The following EYA4 variants were observed in gnomAD, a reference collection of about 807,000 sequenced individuals.
EYA4 encodes EYA transcriptional coactivator and phosphatase 4.
EYA4 carries 31 observed loss-of-function variants against 87.9 expected under a neutral mutation model. That is an observed-to-expected ratio of 0.35 (90% confidence interval 0.27 to 0.48). EYA4 has a LOEUF of 0.48. Ranked by LOEUF, EYA4 falls within the 20% of genes least tolerant of loss-of-function variation. The pLI is 0.99. For missense variants in EYA4, 678 were observed against 761.4 expected (o/e 0.89, Z 1.29); for synonymous variants, 263 against 270.6 (o/e 0.97, Z 0.28).
At position 133,464,883 on chromosome 6, in the gene EYA4, C is replaced by T. The variant is rs192320781; in HGVS notation, c.804+25C>T. 10 of 1,503,752 alleles carry T rather than the reference C, an allele frequency of 6.7e-6. No homozygotes were observed. The East Asian group carries it at 2.0e-4, about 31-fold the overall frequency. 93.2% of individuals were successfully genotyped at this position (1,503,752 alleles called of 1,614,324 possible). ...GGTATAGTAGCTTTTTGTGTTTATGCTTTTTATATGTATTTCAGATTTTTG... is the reference window on the plus strand; with the variant it reads ...GGTATAGTAGCTTTTTGTGTTTATGTTTTTTATATGTATTTCAGATTTTTG... On this transcript the variant is annotated intron_variant, in intron 10 of 19. Coordinates refer to ENST00000355286, the MANE Select transcript of EYA4 (RefSeq NM_004100.5).
At chr6:133,424,376 G>T (rs746126838) in intron 3 of EYA4, among the ~76,000 whole-genome samples, 1 of 152,156 alleles carries the variant, frequency 6.6e-6, no homozygotes, top group Non-Finnish European at 1.5e-5. Context: ...GCCTTACTGA[G>T]GACCCTCCTC....
chr6:133,250,488 A>G (rs1288386445), intron 1 of EYA4, among the ~76,000 whole-genome samples: 1 of 152,022 alleles, frequency 6.6e-6, no homozygotes, highest in Admixed American at 6.6e-5. Context: ...CTAAAAATAC[A>G]AAAATTAGCT....
In EYA4 at chr6:133,383,517, C is replaced by CAAAA. The variant is rs768724484; in HGVS notation, c.83+1101_83+1104dup. ...TGGGCGACAGAGCGAGACTCCATCT[C>CAAAA]AAAAAAAAAAAAAAAAAAAAAAAAA... On this transcript the variant is annotated intron_variant, in intron 3 of 19. Transcript: ENST00000355286. 8.6e-3 allele frequency among the ~76,000 whole-genome samples: 390 copies of CAAAA among 45,202 alleles called. 62 individuals are homozygous for CAAAA. The highest frequency in any genetic ancestry group is 0.03 in the African/African-American group (340 of 11,188). The allele number at this position is 45,202 out of a possible 152,430, so 29.7% of individuals were successfully genotyped here.
At chr6:133,476,936 CA>C (rs1005880385) in intron 11 of EYA4, among the ~76,000 whole-genome samples, 10 of 152,036 alleles carry the variant, frequency 6.6e-5, no homozygotes, top group Admixed American at 3.3e-4. Context: ...GTAATTGAAT[CA>C]GGGGGGCAGT....
At chr6:133,418,890 A>G (rs1368842472) in intron 3 of EYA4, among the ~76,000 whole-genome samples, 1 of 152,178 alleles carries the variant, frequency 6.6e-6, no homozygotes, top group African/African-American at 2.4e-5. Context: ...AGTAATAAAG[A>G]TTTACTTACA....
At chr6:133,397,686 A>G (rs189116952) in intron 3 of EYA4, among the ~76,000 whole-genome samples, 120 of 152,352 alleles carry the variant, frequency 7.9e-4, no homozygotes, top group African/African-American at 2.7e-3. Flanking sequence ...TGATAAAGAC[A>G]TACTCAAGAC....
intron 3 of EYA4, among the ~76,000 whole-genome samples, chr6:133,403,528 A>G (rs1437823534): frequency 6.6e-6 from 1 of 152,224 alleles, no homozygotes; most frequent in Non-Finnish European, 1.5e-5. Flanking sequence ...AAGATAGTAC[A>G]CATAGTATAT....
At chr6:133,503,924 T>G (rs1798363594) in intron 13 of EYA4, among the ~76,000 whole-genome samples, 1 of 152,036 alleles carries the variant, frequency 6.6e-6, no homozygotes, top group African/African-American at 2.4e-5. Flanking sequence ...TTATTAATAT[T>G]TTTTTTCTTT....
At chr6:133,265,267 A>C (rs948278695) in intron 1 of EYA4, among the ~76,000 whole-genome samples, 1 of 151,760 alleles carries the variant, frequency 6.6e-6, no homozygotes, top group African/African-American at 2.4e-5. Flanking sequence ...GGTGGTGCAA[A>C]AATAATTGCG....
chr6:133,415,309 A>G (rs564804960), intron 3 of EYA4, among the ~76,000 whole-genome samples: 24 of 152,162 alleles, frequency 1.6e-4, no homozygotes, highest in Non-Finnish European at 2.9e-4. Context: ...AAAACCCTCC[A>G]GTAGTTCCCC....
At chr6:133,421,442 G>C (rs904932248) in intron 3 of EYA4, among the ~76,000 whole-genome samples, 4 of 152,198 alleles carry the variant, frequency 2.6e-5, no homozygotes, top group African/African-American at 9.7e-5. Context: ...GGCGAGCCAC[G>C]ATGTTTTGAA....
At chr6:133,338,651 A>G (rs1782555343) in intron 2 of EYA4, among the ~76,000 whole-genome samples, 1 of 152,212 alleles carries the variant, frequency 6.6e-6, no homozygotes, top group Non-Finnish European at 1.5e-5. Flanking sequence ...GATGTGTTGT[A>G]CTTTTACCCA....
chr6:133,323,154 A>C (rs1364841934), intron 2 of EYA4, among the ~76,000 whole-genome samples: 1 of 151,660 alleles, frequency 6.6e-6, no homozygotes, highest in Admixed American at 6.6e-5. Context: ...AAATTTTTTT[A>C]TTCGTTAGCA....
At chr6:133,487,104 G>A (rs1374895111) in intron 13 of EYA4, among the ~76,000 whole-genome samples, 1 of 152,214 alleles carries the variant, frequency 6.6e-6, no homozygotes, top group Non-Finnish European at 1.5e-5. Flanking sequence ...CTCAGTGAGT[G>A]TAGGTTTTTG....
At chr6:133,388,774 T>G (rs1361519866) in intron 3 of EYA4, among the ~76,000 whole-genome samples, 2 of 152,374 alleles carry the variant, frequency 1.3e-5, no homozygotes, top group Middle Eastern at 3.4e-3. Context: ...GTGGCATTTC[T>G]TCATTCATAC....
intron 2 of EYA4, among the ~76,000 whole-genome samples, chr6:133,287,033 TTC>T (rs1388404607): frequency 6.6e-6 from 1 of 152,162 alleles, no homozygotes; most frequent in East Asian, 1.9e-4. Context: ...GCCAAATGTC[TTC>T]TCTGTGTGTG....
chr6:133,488,105 C>T (rs1206477159), intron 13 of EYA4, among the ~76,000 whole-genome samples: 1 of 152,134 alleles, frequency 6.6e-6, no homozygotes, highest in Non-Finnish European at 1.5e-5. Context: ...ACATTACTTG[C>T]CATGGGCCTG....
chr6:133,478,362 A>G (rs1795920624), intron 11 of EYA4, among the ~76,000 whole-genome samples: 1 of 152,150 alleles, frequency 6.6e-6, no homozygotes, highest in African/African-American at 2.4e-5. Flanking sequence ...AAGAATGTAT[A>G]TAGCAGCTTT....
At chr6:133,272,068 C>T (rs1776738058) in intron 1 of EYA4, among the ~76,000 whole-genome samples, 1 of 152,234 alleles carries the variant, frequency 6.6e-6, no homozygotes, top group Non-Finnish European at 1.5e-5. Flanking sequence ...CTGGGCATTT[C>T]TCCTTCATGC....
Sources: gnomAD v4.1 joint callset for allele counts (sites outside exome capture counted in the v4.1 genomes callset) on GRCh38, gnomAD v4.1.1 for gene constraint, MANE v1.5 for transcripts, NCBI Gene and HGNC (gene_info 2026-07-23, HGNC 2026-07-21) for gene names.